Variants in ADAMTS20 observed in about 807,000 individuals in gnomAD.
ADAMTS20 encodes the protein A disintegrin and metalloproteinase with thrombospondin motifs 20.
ADAMTS20 carries 225 observed loss-of-function variants against 260.1 expected under a neutral mutation model. The observed-to-expected ratio is 0.87, with a 90% CI of 0.78 to 0.97. ADAMTS20 has a LOEUF of 0.97. Ranked by LOEUF, ADAMTS20 falls within the 50% of genes least tolerant of loss-of-function variation. The pLI is 0.00. For synonymous variants in ADAMTS20, 802 were observed against 769.5 expected, an observed-to-expected ratio of 1.04 and a Z score of -0.70; for missense variants, 2,400 against 2,337.7, an observed-to-expected ratio of 1.03 and a Z score of -0.55.
At chr12:43,492,867 CT>C (rs1942624472) in intron 5 of ADAMTS20, among the ~76,000 whole-genome samples, 2 of 152,076 alleles carry the variant, frequency 1.3e-5, no homozygotes, top group East Asian at 1.9e-4. Flanking sequence ...AGGAAAAAAA[CT>C]TTTAAAAACG....
At chr12:43,440,148 T>C (rs1285541080) in intron 16 of ADAMTS20, 79 bp from the exon 17 acceptor site, 1 of 951,120 alleles carries the variant, frequency 1.1e-6, no homozygotes, top group Non-Finnish European at 1.5e-6. Context: ...ACTTTTTTTT[T>C]TTTTTTTTTT....
intron 21 of ADAMTS20, among the ~76,000 whole-genome samples, chr12:43,431,943 A>G (rs1039061161): frequency 1.3e-5 from 2 of 151,614 alleles, no homozygotes; most frequent in Admixed American, 6.6e-5. Context: ...GCTTACCGCA[A>G]TCTCTGCTCA....
At chr12:43,462,667 T>C (rs539381769) in intron 11 of ADAMTS20, among the ~76,000 whole-genome samples, 2 of 152,252 alleles carry the variant, frequency 1.3e-5, no homozygotes, top group Non-Finnish European at 2.9e-5. Flanking sequence ...ATTATTTATA[T>C]GCTAACTATA....
chr12:43,369,299 T>C lies in ADAMTS20; in HGVS notation c.5529A>G (p.Arg1843=). The change falls in exon 37 of 39, where the codon AGA becomes AGG. Residue 1843 remains arginine (R), a synonymous_variant. Coordinates refer to ENST00000389420, the MANE Select transcript of ADAMTS20 (RefSeq NM_025003.5). ...AACAAATATGAAATACCTGTGGGCA[T>C]CTGAAAGCACTGTAGCAATCTCCAG... The part of the protein sequence containing the change: ...ATAGDCYSAF[R]CPQGQFSINL... 1.3e-6 allele frequency: 2 copies of C among 1,521,966 alleles called. No individual in the cohort carries two copies. Among genetic ancestry groups the C allele is most frequent in the South Asian group, 1.4e-5 (1 of 73,910 alleles). 94.3% of individuals were successfully genotyped at this position (1,521,966 alleles called of 1,614,324 possible).
chr12:43,402,684 G>T (rs1471892197), intron 28 of ADAMTS20, among the ~76,000 whole-genome samples: 1 of 152,034 alleles, frequency 6.6e-6, no homozygotes, highest in African/African-American at 2.4e-5. Flanking sequence ...ATTCAAACAT[G>T]CAGTTTTTTC....
intron 28 of ADAMTS20, among the ~76,000 whole-genome samples, chr12:43,405,836 G>A (rs1191523573): frequency 1.3e-5 from 2 of 151,870 alleles, no homozygotes; most frequent in Non-Finnish European, 2.9e-5. Flanking sequence ...ACTTCTCTTT[G>A]TCTGCTTTCT....
Position 43,364,173 on chromosome 12 carries a change from C to T in ADAMTS20, c.5538+5117G>A, listed in dbSNP as rs144472938. 6.5e-4 allele frequency among the ~76,000 whole-genome samples: 99 copies of T among 152,162 alleles called. 1 individual carries two copies. The highest frequency in any genetic ancestry group is 2.3e-3 in the African/African-American group (95 of 41,510). ...ACAAGGGAAATAGAATTCACTGAAA[C>T]AGTTCAGCCAGGTAATTAAAAAAAA... On this transcript the variant is annotated intron_variant, in intron 37 of 38. Transcript: ENST00000389420.
intron 2 of ADAMTS20, among the ~76,000 whole-genome samples, chr12:43,533,252 T>C (rs1450030470): frequency 1.4e-5 from 2 of 143,260 alleles, no homozygotes; most frequent in Non-Finnish European, 3.1e-5. Flanking sequence ...CCATTCTAAC[T>C]GGTGTGAGAT....
intron 14 of ADAMTS20, among the ~76,000 whole-genome samples, chr12:43,448,820 A>G (rs528595244): frequency 6.6e-6 from 1 of 152,216 alleles, no homozygotes; most frequent in Admixed American, 6.5e-5. Context: ...TTAAAAAGTG[A>G]GCAAAGAACA....
intron 3 of ADAMTS20, among the ~76,000 whole-genome samples, chr12:43,515,950 A>G (rs888154731): frequency 6.6e-6 from 1 of 152,216 alleles, no homozygotes; most frequent in African/African-American, 2.4e-5. Context: ...TTTAACACCA[A>G]GAAAAATCTA....
chr12:43,540,279 A>C (rs1285007149), intron 2 of ADAMTS20, among the ~76,000 whole-genome samples: 1 of 152,226 alleles, frequency 6.6e-6, no homozygotes, highest in African/African-American at 2.4e-5. Context: ...CCATGTAAGA[A>C]GAAAATACAG....
rs140011434 is a variant in ADAMTS20, at chr12:43,408,618, G to A, written c.4285-9385C>T. 1.5e-3 allele frequency among the ~76,000 whole-genome samples: 230 copies of A among 152,246 alleles called. 1 individual carries two copies. The highest frequency in any genetic ancestry group is 4.6e-3 in the African/African-American group (193 of 41,560). On this transcript the variant is annotated intron_variant, in intron 28 of 38. Transcript: ENST00000389420. ...CTAAGGATGCTTTGAAAAGAGAAAT[G>A]TCAGAGTTGAGATTAAAAGACCATA...
chr12:43,422,718 A>G (rs1177579506), intron 28 of ADAMTS20: 3 of 152,082 alleles, frequency 2.0e-5, no homozygotes, highest in African/African-American at 7.2e-5. Flanking sequence ...TTATTCAATG[A>G]ATTCCTTTTG....
chr12:43,369,344 A>C lies in ADAMTS20; in HGVS notation c.5484T>G (p.Asn1828Lys). The C allele has an allele frequency of 6.4e-7, 1 of 1,563,974 alleles. No homozygotes were observed. The highest frequency in any genetic ancestry group is 8.6e-7 in the Non-Finnish European group (1 of 1,156,320). The change falls in exon 37 of 39, where the codon AAT (asparagine) becomes AAG (lysine). Residue 1828 changes from asparagine to lysine, a missense_variant. Asn to Lys is a moderately conservative substitution (Grantham distance 94, BLOSUM62 0). Coordinates refer to ENST00000389420, the MANE Select transcript of ADAMTS20 (RefSeq NM_025003.5). Reference sequence around the variant, plus strand: ...CTCCAGCTGTGGCAAATGGAACTGCATTTCCAAATATTGTTTTGGAAAAAA... The same window carrying C: ...CTCCAGCTGTGGCAAATGGAACTGCCTTTCCAAATATTGTTTTGGAAAAAA... ...DLLFSKTIFGNAVPFATAGDC... is the reference protein window; with the variant it reads ...DLLFSKTIFGKAVPFATAGDC...
chr12:43,434,455 T>C, intron 18 of ADAMTS20, 84 bp from the exon 19 acceptor site: 1 of 1,396,190 alleles, frequency 7.2e-7, no homozygotes, highest in Non-Finnish European at 9.5e-7. Flanking sequence ...TGCTAATAGC[T>C]TAAAGGAGCC....
intron 28 of ADAMTS20, among the ~76,000 whole-genome samples, chr12:43,406,820 A>C (rs1389843557): frequency 6.6e-6 from 1 of 152,068 alleles, no homozygotes; most frequent in Admixed American, 6.5e-5. Context: ...TTATTAGCAA[A>C]GTAAAACATT....
intron 26 of ADAMTS20, 60 bp from the exon 27 acceptor site, chr12:43,427,529 T>C: frequency 7.0e-7 from 1 of 1,437,146 alleles, no homozygotes; most frequent in South Asian, 1.5e-5. Flanking sequence ...TGAATTTACA[T>C]GGTAAAAAAA....
At chr12:43,537,778 T>C (rs756362882) in intron 2 of ADAMTS20, among the ~76,000 whole-genome samples, 3 of 152,226 alleles carry the variant, frequency 2.0e-5, no homozygotes, top group South Asian at 2.1e-4. Context: ...TACATCTTTA[T>C]GTGCCTGGCT....
chr12:43,366,096 A>G (rs906742730), intron 37 of ADAMTS20, among the ~76,000 whole-genome samples: 7 of 151,920 alleles, frequency 4.6e-5, no homozygotes, highest in Non-Finnish European at 1.0e-4. Flanking sequence ...AAAATACTCT[A>G]TAAGAGACAT....
Sources: gnomAD v4.1 joint callset for allele counts (sites outside exome capture counted in the v4.1 genomes callset) on GRCh38, gnomAD v4.1.1 for gene constraint, MANE v1.5 for transcripts, NCBI Gene and HGNC (gene_info 2026-07-23, HGNC 2026-07-21) for gene names.